The following EFCAB13 variants were observed in gnomAD, a reference collection of about 807,000 sequenced individuals.
EFCAB13 encodes the protein EF-hand calcium-binding domain-containing protein 13.
A neutral mutation model predicts 110.2 loss-of-function variants in EFCAB13; 91 were observed. That is an observed-to-expected ratio of 0.83 (90% CI 0.70 to 0.98). The LOEUF is 0.98. Ranked by LOEUF, EFCAB13 falls within the 50% of genes least tolerant of loss-of-function variation. The probability of loss-of-function intolerance (pLI) is 0.00; values close to 1 mark genes in which losing one functional copy is unlikely to be tolerated. For synonymous variants in EFCAB13, 323 were observed against 369.9 expected (o/e 0.87, Z 1.45); for missense variants, 968 against 1,119.4 (o/e 0.86, Z 1.93).
chr17:47,378,658 A>G (rs914163882), intron 13 of EFCAB13, among the ~76,000 whole-genome samples: 1 of 152,192 alleles, frequency 6.6e-6, no homozygotes, highest in African/African-American at 2.4e-5. Context: ...CAGGATTGAC[A>G]TGATCACTCT....
intron 11 of EFCAB13, among the ~76,000 whole-genome samples, chr17:47,371,070 T>C (rs555696453): frequency 1.2e-3 from 183 of 150,856 alleles, no homozygotes; most frequent in African/African-American, 4.1e-3. Context: ...TTGTTTTTTT[T>C]TTTTTTTTTT....
intron 14 of EFCAB13, among the ~76,000 whole-genome samples, chr17:47,387,257 T>C (rs1281029240): frequency 2.0e-5 from 3 of 152,214 alleles, no homozygotes; most frequent in Non-Finnish European, 1.5e-5. Flanking sequence ...GAATGTTCGA[T>C]GTGCTGATGA....
chr17:47,356,623 T>C (rs1208548827), intron 9 of EFCAB13, among the ~76,000 whole-genome samples: 2 of 152,052 alleles, frequency 1.3e-5, no homozygotes, highest in Non-Finnish European at 2.9e-5. Flanking sequence ...CCAATGGAGG[T>C]AGCAGGGGAG....
chr17:47,390,315 GT>G (rs891772534), intron 14 of EFCAB13, among the ~76,000 whole-genome samples: 1 of 142,274 alleles, frequency 7.0e-6, no homozygotes, highest in African/African-American at 2.5e-5. Flanking sequence ...CACAACCTCT[GT>G]TTTTTTCATA....
chr17:47,422,145 TAAC>T (rs201071255), intron 23 of EFCAB13, among the ~76,000 whole-genome samples: 1,952 of 151,094 alleles, frequency 0.013, 37 homozygotes, highest in East Asian at 0.065. Flanking sequence ...TGGTATTAAT[TAAC>T]AAAAATAAAA....
At chr17:47,328,461 T>C in intron 4 of EFCAB13, 78 bp downstream of exon 4, 1 of 1,159,962 alleles carries the variant, frequency 8.6e-7, no homozygotes, top group Non-Finnish European at 1.2e-6. Flanking sequence ...ATATTCATAA[T>C]CAGTAAGCAA....
chr17:47,427,868 C>CA (rs1905014046), intron 23 of EFCAB13, among the ~76,000 whole-genome samples: 1 of 151,722 alleles, frequency 6.6e-6, no homozygotes, highest in Non-Finnish European at 1.5e-5. Flanking sequence ...ATGTTTCAGA[C>CA]AAAAAATTTT....
chr17:47,324,085 C>T lies in EFCAB13; in HGVS notation c.-318+11C>T, dbSNP rs2065265664. The T allele has an allele frequency of 6.6e-6, 1 of 152,350 alleles. No individual in the cohort carries two copies. 9.4% of individuals were successfully genotyped at this position (152,350 alleles called of 1,614,324 possible). Reference sequence around the variant, plus strand: ...GGGCAGCTCGGGCCGGTAGTGGGACCCTTGGGGGACAGAGGTGGGGAGGGG... The same window carrying T: ...GGGCAGCTCGGGCCGGTAGTGGGACTCTTGGGGGACAGAGGTGGGGAGGGG... On this transcript the variant is annotated intron_variant, in intron 1 of 24. Transcript: ENST00000331493.
rs747376459 is a variant in EFCAB13 at position 47,394,030 on chromosome 17, A to G, written c.1732A>G (p.Lys578Glu). The part of the protein sequence containing the change: ...ITELTEAGET[K>E]KVNFKEFIDT... ...TGTGTTTCTTTTTCCTGTAGAAACA[A>G]AAAAAGTGAATTTTAAAGAATTCAT... The change falls in exon 16 of 25, where the codon AAA (lysine) becomes GAA (glutamate). Residue 578 changes from lysine to glutamate, a missense_variant. By Grantham distance (56) the Lys-to-Glu change is moderately conservative (BLOSUM62 1). Transcript: ENST00000331493. 4 of 1,544,704 alleles carry G rather than the reference A, an allele frequency of 2.6e-6. No individual in the cohort carries two copies. In the East Asian group the frequency reaches 7.0e-5, roughly 27 times the overall value.
intron 15 of EFCAB13, among the ~76,000 whole-genome samples, chr17:47,392,565 A>G (rs746247628): frequency 6.6e-6 from 1 of 152,178 alleles, no homozygotes; most frequent in Non-Finnish European, 1.5e-5. Flanking sequence ...AAATTTACCA[A>G]TAGGACAAGA....
intron 5 of EFCAB13, among the ~76,000 whole-genome samples, chr17:47,338,257 T>C (rs1038343755): frequency 4.6e-5 from 7 of 151,602 alleles, no homozygotes; most frequent in African/African-American, 1.2e-4. Context: ...TTTTTTTTTT[T>C]TTTCTTTCTT....
chr17:47,385,748 G>A (rs1270749865), intron 14 of EFCAB13, among the ~76,000 whole-genome samples: 1 of 152,082 alleles, frequency 6.6e-6, no homozygotes, highest in Non-Finnish European at 1.5e-5. Flanking sequence ...AATTTTCAGC[G>A]TTTTTGTGCT....
At chr17:47,380,393 C>T (rs935759188) in intron 14 of EFCAB13, among the ~76,000 whole-genome samples, 1 of 152,192 alleles carries the variant, frequency 6.6e-6, no homozygotes, top group African/African-American at 2.4e-5. Context: ...ATCCATGTCC[C>T]TGCAAAGGAC....
At chr17:47,395,805 G>C in intron 16 of EFCAB13, 29 bp from the exon 17 acceptor site, 1 of 1,550,490 alleles carries the variant, frequency 6.4e-7, no homozygotes, top group Non-Finnish European at 8.7e-7. Context: ...ATAAGCATTC[G>C]TAAAACTTGT....
chr17:47,331,728 T>C (rs925268100), intron 4 of EFCAB13, among the ~76,000 whole-genome samples: 9 of 152,178 alleles, frequency 5.9e-5, no homozygotes, highest in African/African-American at 2.2e-4. Flanking sequence ...GCTCTAGCTA[T>C]TTACTTCTCC....
chr17:47,335,986 T>C (rs972568433), intron 5 of EFCAB13, among the ~76,000 whole-genome samples: 1 of 152,240 alleles, frequency 6.6e-6, no homozygotes, highest in Non-Finnish European at 1.5e-5. Context: ...ATAAGCTAAC[T>C]GGAATCATAG....
chr17:47,333,341 C>A (rs1477004436), intron 4 of EFCAB13, among the ~76,000 whole-genome samples: 1 of 152,114 alleles, frequency 6.6e-6, no homozygotes, highest in African/African-American at 2.4e-5. Context: ...AATCCTTTAT[C>A]GCCTTAACAG....
intron 14 of EFCAB13, among the ~76,000 whole-genome samples, chr17:47,384,650 AGAATGTTGAATATTG>A (rs1477139104): frequency 6.6e-6 from 1 of 152,152 alleles, no homozygotes; most frequent in Non-Finnish European, 1.5e-5. Flanking sequence ...CTTTTCTTTA[AGAATGTTGAATATTG>A]GCCCCCACTC....
intron 14 of EFCAB13, among the ~76,000 whole-genome samples, chr17:47,380,031 G>A (rs1055152616): frequency 6.6e-5 from 10 of 152,240 alleles, no homozygotes; most frequent in African/African-American, 2.2e-4. Context: ...GACAATATTA[G>A]CAAGTCGATT....
Sources: allele counts gnomAD v4.1 joint callset (sites outside exome capture counted in the v4.1 genomes callset), GRCh38; gene constraint gnomAD v4.1.1; transcripts MANE v1.5; gene names NCBI Gene and HGNC (gene_info 2026-07-23, HGNC 2026-07-21).